The following TRAPPC6B variants were observed in gnomAD, a reference collection of about 807,000 sequenced individuals.
TRAPPC6B encodes the protein TRAPP complex subunit 6B.
A neutral mutation model predicts 24.7 loss-of-function variants in TRAPPC6B; 27 were observed. The ratio of observed to expected loss-of-function variants is 1.09; its 90% CI spans 0.81 to 1.51. The LOEUF is 1.51. Ranked by LOEUF, TRAPPC6B falls within the 40% of genes most tolerant of loss-of-function variation. TRAPPC6B has a pLI of 0.00. For missense variants in TRAPPC6B, 212 were observed against 190.8 expected, an observed-to-expected ratio of 1.11 and a Z score of -0.66; for synonymous variants, 80 against 66.6, an observed-to-expected ratio of 1.20 and a Z score of -0.98.
chr14:39,169,914 G>A, intron 1 of TRAPPC6B, 101 bp downstream of exon 1: 2 of 1,154,244 alleles, frequency 1.7e-6, no homozygotes, highest in African/African-American at 1.5e-5. Context: ...TACACCTCGG[G>A]AGGCGTCGGG....
chr14:39,169,092 C>T (rs1344747238), intron 1 of TRAPPC6B, among the ~76,000 whole-genome samples: 5 of 152,176 alleles, frequency 3.3e-5, no homozygotes, highest in South Asian at 4.1e-4. Context: ...GGATACATTT[C>T]CTATCCCCAC....
At chr14:39,169,201 C>T (rs1164790806) in intron 1 of TRAPPC6B, among the ~76,000 whole-genome samples, 2 of 152,184 alleles carry the variant, frequency 1.3e-5, no homozygotes, top group African/African-American at 4.8e-5. Context: ...CATGATTCTA[C>T]CAGCCAATAC....
At chr14:39,157,236 C>A in intron 3 of TRAPPC6B, 1 of 354,644 alleles carries the variant, frequency 2.8e-6, no homozygotes, top group Non-Finnish European at 5.4e-6. Context: ...AATGGCCCCG[C>A]TATATCAGGT....
chr14:39,166,255 TA>T (rs907540561), intron 1 of TRAPPC6B, among the ~76,000 whole-genome samples: 2,210 of 106,744 alleles, frequency 0.021, 56 homozygotes, highest in African/African-American at 0.06. Flanking sequence ...ACTTGTCTCT[TA>T]AAAAAAAAAA....
In TRAPPC6B at chr14:39,150,185, G is replaced by T; in HGVS notation, c.*165C>A. On this transcript the variant is annotated 3_prime_UTR_variant, in exon 6 of 6. Coordinates refer to ENST00000330149, the MANE Select transcript of TRAPPC6B (RefSeq NM_001079537.2). ...ATAGTTTTGGTTAAGTGTATGTCAT[G>T]GCAGAATGTCCCTTCATCTCCTTTG... 1 of 601,982 alleles carries T rather than the reference G, an allele frequency of 1.7e-6. No individual in the cohort carries two copies. The highest frequency in any genetic ancestry group is 2.2e-5 in the South Asian group (1 of 45,334). The allele number at this position is 601,982 out of a possible 1,614,324, so 37.3% of individuals were successfully genotyped here.
intron 5 of TRAPPC6B, among the ~76,000 whole-genome samples, chr14:39,150,856 G>T (rs1257317047): frequency 6.6e-6 from 1 of 151,980 alleles, no homozygotes; most frequent in African/African-American, 2.4e-5. Flanking sequence ...TATTTTTATG[G>T]GATGATTATA....
At position 39,170,125 on chromosome 14, in the gene TRAPPC6B, T is replaced by G. The variant is rs774649277; in HGVS notation, c.-30A>C. The G allele has an allele frequency of 6.2e-7, 1 of 1,612,942 alleles. No individual in the cohort carries two copies. Among genetic ancestry groups the G allele is most frequent in the Non-Finnish European group, 8.5e-7 (1 of 1,179,026 alleles). On this transcript the variant is annotated 5_prime_UTR_variant, in exon 1 of 6. Coordinates refer to ENST00000330149, the MANE Select transcript of TRAPPC6B (RefSeq NM_001079537.2). ...TGCTAATTCTTCCAAGCTTCGAGTT[T>G]TGGCTCCCGTTTGAGCTGGTCTGGG... is the stretch of plus-strand genomic sequence containing the variant.
chr14:39,168,753 A>G (rs563465251), intron 1 of TRAPPC6B, among the ~76,000 whole-genome samples: 3 of 152,102 alleles, frequency 2.0e-5, no homozygotes, highest in Non-Finnish European at 4.4e-5. Flanking sequence ...CTAACTTTCA[A>G]ATCTGTTATC....
At chr14:39,169,762 G>A (rs941660043) in intron 1 of TRAPPC6B, among the ~76,000 whole-genome samples, 1 of 152,142 alleles carries the variant, frequency 6.6e-6, no homozygotes, top group Non-Finnish European at 1.5e-5. Flanking sequence ...AATCTGTGGC[G>A]TGCAAGACAA....
chr14:39,155,700 C>G (rs1340296420), intron 3 of TRAPPC6B, among the ~76,000 whole-genome samples: 7 of 151,552 alleles, frequency 4.6e-5, no homozygotes, highest in Non-Finnish European at 7.4e-5. Flanking sequence ...ATATGCCTGG[C>G]TAATTTTTGT....
intron 2 of TRAPPC6B, 92 bp from the exon 3 acceptor site, chr14:39,158,494 C>T: frequency 2.7e-6 from 2 of 737,032 alleles, no homozygotes; most frequent in South Asian, 3.3e-5. Context: ...GCCAGAACAG[C>T]ACTGAACATT....
intron 4 of TRAPPC6B, 52 bp from the exon 5 acceptor site, chr14:39,151,891 A>C: frequency 8.0e-7 from 1 of 1,248,460 alleles, no homozygotes; most frequent in Non-Finnish European, 1.1e-6. Context: ...AAAATAGTAA[A>C]GCTATTGATA....
chr14:39,152,503 T>C (rs1180961341), intron 4 of TRAPPC6B, among the ~76,000 whole-genome samples: 1 of 152,212 alleles, frequency 6.6e-6, no homozygotes, highest in Admixed American at 6.5e-5. Flanking sequence ...GAATTTTTGA[T>C]TACCCACATC....
At chr14:39,166,922 T>G (rs1980611) in intron 1 of TRAPPC6B, among the ~76,000 whole-genome samples, 1 of 151,920 alleles carries the variant, frequency 6.6e-6, no homozygotes, top group Admixed American at 6.6e-5. Flanking sequence ...GGAGGCTGAT[T>G]TGAGCAATAA....
intron 1 of TRAPPC6B, among the ~76,000 whole-genome samples, chr14:39,163,205 A>T (rs1594542875): frequency 6.7e-6 from 1 of 150,114 alleles, no homozygotes; most frequent in East Asian, 1.9e-4. Context: ...CCTCATCTCT[A>T]CTAAAAATAC....
chr14:39,148,777 G>T lies in TRAPPC6B; in HGVS notation c.*1573C>A, dbSNP rs1161998983. Reference sequence around the variant, plus strand: ...CAGTCATGCATTGCTTAGCAAAGGGGATACATTCTGAGAAATGCATCATCA... The same window carrying T: ...CAGTCATGCATTGCTTAGCAAAGGGTATACATTCTGAGAAATGCATCATCA... On this transcript the variant is annotated 3_prime_UTR_variant, in exon 6 of 6. Transcript: ENST00000330149. 1 of 398,242 alleles carries T rather than the reference G, an allele frequency of 2.5e-6. No homozygotes were observed. The highest frequency in any genetic ancestry group is 1.3e-4 in the South Asian group (1 of 7,856). The allele number at this position is 398,242 out of a possible 1,614,324, so 24.7% of individuals were successfully genotyped here.
rs2052980617 is a variant in TRAPPC6B at position 39,156,484 on chromosome 14, T to TG, written c.267+1800dup. On this transcript the variant is annotated intron_variant, in intron 3 of 5. Transcript: ENST00000330149. ...TGGTGCATGCCTATAATCCCAGCTA[T>TG]GCAAGAGGCTGAGGCCAAAGAATTA... 2.6e-5 allele frequency among the ~76,000 whole-genome samples: 4 copies of TG among 152,242 alleles called. No homozygotes were observed. The South Asian group carries it at 8.3e-4, about 32-fold the overall frequency.
intron 1 of TRAPPC6B, among the ~76,000 whole-genome samples, chr14:39,167,669 GTTA>G (rs1256291185): frequency 2.0e-5 from 3 of 151,990 alleles, no homozygotes; most frequent in African/African-American, 4.8e-5. Flanking sequence ...CCACATAACT[GTTA>G]TTTATATAAT....
intron 1 of TRAPPC6B, among the ~76,000 whole-genome samples, chr14:39,161,396 C>G (rs1338260259): frequency 1.3e-5 from 2 of 152,160 alleles, no homozygotes; most frequent in African/African-American, 2.4e-5. Flanking sequence ...TGTCACCCAT[C>G]CCTTCTGCGT....
Sources: allele counts gnomAD v4.1 joint callset (sites outside exome capture counted in the v4.1 genomes callset), GRCh38; gene constraint gnomAD v4.1.1; transcripts MANE v1.5; gene names NCBI Gene and HGNC (gene_info 2026-07-23, HGNC 2026-07-21).